Variants in BCR observed in about 807,000 individuals in gnomAD.
BCR encodes the protein BCR activator of RhoGEF and GTPase, also known as breakpoint cluster region protein.
BCR carries 58 observed loss-of-function variants against 138.6 expected under a neutral mutation model. The ratio of observed to expected loss-of-function variants is 0.42; its 90% CI spans 0.34 to 0.52. BCR has a LOEUF of 0.52. Ranked by LOEUF, BCR falls within the 20% of genes least tolerant of loss-of-function variation. The pLI, the probability that BCR is intolerant of heterozygous loss-of-function variation, is 0.06. For missense variants in BCR, 1,599 were observed against 1,727.2 expected (o/e 0.93, Z 1.32); for synonymous variants, 786 against 730.1 (o/e 1.08, Z -1.23).
intron 1 of BCR, among the ~76,000 whole-genome samples, chr22:23,221,045 C>G (rs2072818915): frequency 6.6e-6 from 1 of 152,142 alleles, no homozygotes; most frequent in Non-Finnish European, 1.5e-5. Flanking sequence ...GAATTTCTCA[C>G]TCTAATGGGC....
chr22:23,266,636 T>C (rs1032010999), intron 4 of BCR, among the ~76,000 whole-genome samples: 2 of 152,204 alleles, frequency 1.3e-5, no homozygotes, highest in Non-Finnish European at 2.9e-5. Flanking sequence ...GTGATCTGCC[T>C]GCCTCGGCCT....
chr22:23,312,243 G>T, intron 19 of BCR: 2 of 210,118 alleles, frequency 9.5e-6, no homozygotes, highest in South Asian at 9.2e-5. Flanking sequence ...ACCCTCACAG[G>T]CTATGAAGGA....
At chr22:23,239,526 A>G (rs959936513) in intron 1 of BCR, among the ~76,000 whole-genome samples, 2 of 152,266 alleles carry the variant, frequency 1.3e-5, no homozygotes, top group Admixed American at 1.3e-4. Flanking sequence ...TGAGTCTGGA[A>G]TGTGGCAGTG....
intron 8 of BCR, 52 bp from the exon 9 acceptor site, chr22:23,283,925 C>T: frequency 9.2e-6 from 14 of 1,517,968 alleles, no homozygotes; most frequent in Non-Finnish European, 1.1e-5. Context: ...CCGAACACCC[C>T]CCACCCATCA....
At chr22:23,314,868 G>T (rs1395164263) in intron 22 of BCR, among the ~76,000 whole-genome samples, 154 bp downstream of exon 22, 1 of 152,266 alleles carries the variant, frequency 6.6e-6, no homozygotes, top group Non-Finnish European at 1.5e-5. Context: ...GCATGGATGG[G>T]AGTGATAGTG....
intron 2 of BCR, among the ~76,000 whole-genome samples, chr22:23,257,883 C>T (rs2073311986): frequency 6.6e-6 from 1 of 152,208 alleles, no homozygotes; most frequent in Admixed American, 6.5e-5. Context: ...GCAGCCAACA[C>T]TAGGATACAA....
At chr22:23,305,837 C>G (rs1006286786) in intron 16 of BCR, among the ~76,000 whole-genome samples, 6 of 152,200 alleles carry the variant, frequency 3.9e-5, no homozygotes, top group African/African-American at 1.2e-4. Context: ...TCACCAAGAC[C>G]TTGCAACCCA....
intron 1 of BCR, among the ~76,000 whole-genome samples, chr22:23,218,692 T>C (rs576962542): frequency 6.6e-6 from 1 of 152,316 alleles, no homozygotes; most frequent in Non-Finnish European, 1.5e-5. Context: ...TGGACAGGCA[T>C]GGACCTGTGT....
At chr22:23,252,428 T>TTTC (rs2073240353) in intron 1 of BCR, among the ~76,000 whole-genome samples, 1 of 48,530 alleles carries the variant, frequency 2.1e-5, no homozygotes, top group Non-Finnish European at 4.2e-5. Context: ...TTTTCTTTTC[T>TTTC]TTTCTTTTTT....
chr22:23,212,048 A>G (rs1178415665), intron 1 of BCR, among the ~76,000 whole-genome samples: 1 of 152,140 alleles, frequency 6.6e-6, no homozygotes, highest in African/African-American at 2.4e-5. Context: ...AAGGGTCTGA[A>G]GTGGCAGGTG....
At chr22:23,204,654 G>A (rs1394288591) in intron 1 of BCR, among the ~76,000 whole-genome samples, 1 of 152,182 alleles carries the variant, frequency 6.6e-6, no homozygotes. Flanking sequence ...TGCTTTGCTG[G>A]CTGATTTGTT....
At chr22:23,266,335 C>G (rs1004004814) in intron 4 of BCR, among the ~76,000 whole-genome samples, 7 of 150,010 alleles carry the variant, frequency 4.7e-5, no homozygotes, top group Non-Finnish European at 1.0e-4. Context: ...GTGACCCGCC[C>G]GCCTCAGCCT....
At chr22:23,216,692 T>C (rs1260005263) in intron 1 of BCR, among the ~76,000 whole-genome samples, 1 of 152,218 alleles carries the variant, frequency 6.6e-6, no homozygotes. Context: ...TCACACAGGC[T>C]TGGTCATGTG....
At chr22:23,264,772 T>G in intron 4 of BCR, 1 of 156,960 alleles carries the variant, frequency 6.4e-6, no homozygotes, top group South Asian at 1.9e-4. Context: ...AGGCTGCCAA[T>G]AGCCCGCTAG....
intron 1 of BCR, among the ~76,000 whole-genome samples, chr22:23,231,552 T>A (rs201318719): frequency 5.2e-5 from 3 of 57,582 alleles, no homozygotes; most frequent in Middle Eastern, 0.01. Context: ...ATAAAATAAA[T>A]AAAATACCAA....
chr22:23,264,357 T>C lies in BCR; in HGVS notation c.1752+2817T>C, dbSNP rs140502. The C allele has an allele frequency of 1.9e-3, 1,804 of 951,080 alleles. 39 individuals are homozygous for C. The East Asian group carries it at 0.04, about 21-fold the overall frequency. 58.9% of individuals were successfully genotyped at this position (951,080 alleles called of 1,614,324 possible). ...CCACGTCCTGGATATTCAAAACCCG[T>C]GACCGTCAGGGCCACCCCTGCCTGT... is the stretch of plus-strand genomic sequence containing the variant. On this transcript the variant is annotated intron_variant, in intron 4 of 22. Transcript: ENST00000305877.
At chr22:23,286,502 C>A (rs2073714805) in intron 10 of BCR, among the ~76,000 whole-genome samples, 1 of 152,212 alleles carries the variant, frequency 6.6e-6, no homozygotes, top group African/African-American at 2.4e-5. Flanking sequence ...GGTAGGGTGT[C>A]CCCACACAGA....
At chr22:23,187,878 T>C (rs1191972765) in intron 1 of BCR, among the ~76,000 whole-genome samples, 1 of 152,364 alleles carries the variant, frequency 6.6e-6, no homozygotes, top group East Asian at 1.9e-4. Context: ...ACAGATCTTG[T>C]GTTTCTTCAT....
intron 16 of BCR, among the ~76,000 whole-genome samples, chr22:23,303,065 A>C (rs890301639): frequency 6.7e-6 from 1 of 149,800 alleles, no homozygotes; most frequent in African/African-American, 2.4e-5. Context: ...TGAGAGGGCA[A>C]GTGCCTGGCT....
Sources: allele counts gnomAD v4.1 joint callset (sites outside exome capture counted in the v4.1 genomes callset), GRCh38; gene constraint gnomAD v4.1.1; transcripts MANE v1.5; gene names NCBI Gene and HGNC (gene_info 2026-07-23, HGNC 2026-07-21).